Variants in TTC28 observed in about 807,000 individuals in gnomAD.
TTC28 encodes tetratricopeptide repeat protein 28.
A neutral mutation model predicts 198.0 loss-of-function variants in TTC28; 61 were observed. The ratio of observed to expected loss-of-function variants is 0.31; its 90% CI spans 0.25 to 0.38. TTC28 has a LOEUF of 0.38. Ranked by LOEUF, TTC28 falls within the 10% of genes least tolerant of loss-of-function variation. The pLI is 1.00. For missense variants in TTC28, 2,678 were observed against 3,164.0 expected (o/e 0.85, Z 3.69); for synonymous variants, 1,171 against 1,297.8 (o/e 0.90, Z 2.10).
intron 5 of TTC28, among the ~76,000 whole-genome samples, chr22:28,288,474 C>A (rs1191763014): frequency 6.6e-6 from 1 of 151,976 alleles, no homozygotes; most frequent in African/African-American, 2.4e-5. Flanking sequence ...TATAACAGCC[C>A]CAAACTGGAA....
intron 2 of TTC28, among the ~76,000 whole-genome samples, chr22:28,314,192 A>C (rs868189171): frequency 6.6e-6 from 1 of 152,152 alleles, no homozygotes; most frequent in South Asian, 2.1e-4. Context: ...ACTACAAACT[A>C]CTGCTCATGG....
rs1287144619 is a variant in TTC28 at position 28,413,205 on chromosome 22, G to A, written c.382-106562C>T. Among the ~76,000 whole-genome samples, 3 of 152,234 alleles carry A rather than the reference G, an allele frequency of 2.0e-5. No homozygotes were observed. The South Asian group carries it at 6.2e-4, about 32-fold the overall frequency. On this transcript the variant is annotated intron_variant, in intron 2 of 22. Coordinates refer to ENST00000397906, the MANE Select transcript of TTC28 (RefSeq NM_001145418.2). Reference sequence around the variant, plus strand: ...AATTCCAGAACTTTGGGAGGCCAAGGCGGGCGGATGACGAGGTCAAGAGAT... The same window carrying A: ...AATTCCAGAACTTTGGGAGGCCAAGACGGGCGGATGACGAGGTCAAGAGAT...
At chr22:28,054,027 AG>A (rs1940182759) in intron 12 of TTC28, among the ~76,000 whole-genome samples, 1 of 152,216 alleles carries the variant, frequency 6.6e-6, no homozygotes, top group Admixed American at 6.5e-5. Flanking sequence ...AGTGAGTCAG[AG>A]GGGGTGATCT....
chr22:28,367,277 A>G (rs1216009810), intron 2 of TTC28, among the ~76,000 whole-genome samples: 1 of 152,024 alleles, frequency 6.6e-6, no homozygotes, highest in Non-Finnish European at 1.5e-5. Flanking sequence ...TAGAAATCAA[A>G]AAGAGGAATT....
intron 17 of TTC28, among the ~76,000 whole-genome samples, chr22:27,994,197 A>G (rs1267243718): frequency 1.3e-5 from 2 of 152,048 alleles, no homozygotes; most frequent in Non-Finnish European, 2.9e-5. Flanking sequence ...TAATCCTAAC[A>G]CTTTGGGAGG....
rs1937079206 is a variant in TTC28 at position 27,983,081 on chromosome 22, C to T, written c.6586G>A (p.Gly2196Ser). ...QVSKSNNPED[G>S]VQAPSSTAVF... ...GCAGTGCTGCTGGGCGCCTGAACGC[C>T]GTCTTCAGGGTTATTACTCTTGCTC... is the stretch of plus-strand genomic sequence containing the variant. The change falls in exon 23 of 23, where the codon GGC becomes AGC. Residue 2196 changes from glycine to serine, a missense_variant. Physicochemically the swap from Gly to Ser is moderately conservative, Grantham distance 56. This residue lies in a region of TTC28 where 622 missense variants were observed against 656.0 expected (regional missense o/e 0.95). Transcript: ENST00000397906. The T allele has an allele frequency of 1.9e-6, 3 of 1,551,720 alleles. No homozygotes were observed. Among genetic ancestry groups the T allele is most frequent in the Non-Finnish European group, 8.7e-7 (1 of 1,147,002 alleles).
chr22:28,017,466 A>C (rs1308290715), intron 13 of TTC28, among the ~76,000 whole-genome samples: 3 of 152,222 alleles, frequency 2.0e-5, no homozygotes, highest in Non-Finnish European at 1.5e-5. Context: ...TCTTTGGGAC[A>C]GCACCATTTG....
At chr22:28,524,919 G>C (rs1052981367) in intron 2 of TTC28, among the ~76,000 whole-genome samples, 1 of 151,986 alleles carries the variant, frequency 6.6e-6, no homozygotes, top group Non-Finnish European at 1.5e-5. Context: ...TTCTAGGTAA[G>C]AAATAATCAC....
chr22:28,346,296 G>A (rs1419790510), intron 2 of TTC28, among the ~76,000 whole-genome samples: 1 of 152,138 alleles, frequency 6.6e-6, no homozygotes, highest in Non-Finnish European at 1.5e-5. Context: ...TTGTCAAAAC[G>A]GGGTACTAAA....
At chr22:28,504,881 G>A (rs1256418647) in intron 2 of TTC28, among the ~76,000 whole-genome samples, 1 of 152,004 alleles carries the variant, frequency 6.6e-6, no homozygotes, top group Non-Finnish European at 1.5e-5. Flanking sequence ...TTTGATATAG[G>A]TTCATTATAC....
chr22:28,544,682 C>T (rs2049497357), intron 2 of TTC28, among the ~76,000 whole-genome samples: 1 of 152,156 alleles, frequency 6.6e-6, no homozygotes, highest in African/African-American at 2.4e-5. Flanking sequence ...AAGAAGCCAG[C>T]CACAACCCAC....
chr22:28,020,513 T>C lies in TTC28; in HGVS notation c.4074-6121A>G, dbSNP rs73880372. ...GGCGTGGCTCATGTCTCTGGAATGA[T>C]GACAAATGCCAGCTGGGCTGGGCTC... is the stretch of plus-strand genomic sequence containing the variant. On this transcript the variant is annotated intron_variant, in intron 13 of 22. Coordinates refer to ENST00000397906, the MANE Select transcript of TTC28 (RefSeq NM_001145418.2). Among the ~76,000 whole-genome samples, 481 of 152,260 alleles carry C rather than the reference T, an allele frequency of 3.2e-3. 7 individuals are homozygous for C. Among genetic ancestry groups the C allele is most frequent in the African/African-American group, 0.011 (459 of 41,562 alleles).
Position 28,096,367 on chromosome 22 carries a change from T to C in TTC28, c.3589A>G (p.Thr1197Ala), listed in dbSNP as rs1245971327. The change falls in exon 11 of 23, where the codon ACA (threonine) becomes GCA (alanine). Residue 1197 changes from threonine (T) to alanine (A), a missense_variant. Physicochemically the swap from Thr to Ala is moderately conservative, Grantham distance 58. This residue lies in a region of TTC28 where 727 missense variants were observed against 861.9 expected (regional missense o/e 0.84). Transcript: ENST00000397906. ...EALAVAERGR[T>A]RAFADLLVER... ...ACCAGAAGATCAGCAAATGCCCTTG[T>C]CCGTCCCCTTTCTGCCACAGCCAGG... 3 of 1,551,746 alleles carry C rather than the reference T, an allele frequency of 1.9e-6. No homozygotes were observed. The highest frequency in any genetic ancestry group is 2.6e-6 in the Non-Finnish European group (3 of 1,147,070).
At chr22:28,018,307 G>GC (rs1491091890) in intron 13 of TTC28, among the ~76,000 whole-genome samples, 3 of 42,750 alleles carry the variant, frequency 7.0e-5, no homozygotes, top group Non-Finnish European at 1.3e-4. Flanking sequence ...GTGCGCGCGC[G>GC]GGGGGGGGGG....
intron 19 of TTC28, among the ~76,000 whole-genome samples, chr22:27,991,920 G>A (rs1034317634): frequency 4.6e-5 from 7 of 152,198 alleles, no homozygotes; most frequent in African/African-American, 1.7e-4. Context: ...GTTGCTCCTG[G>A]GTTCACTGCT....
At chr22:28,310,135 A>AACACACAC (rs751276999) in intron 2 of TTC28, among the ~76,000 whole-genome samples, 1 of 73,278 alleles carries the variant, frequency 1.4e-5, no homozygotes, top group African/African-American at 5.4e-5. Flanking sequence ...TGTGACACAT[A>AACACACAC]ACACACACAC....
intron 5 of TTC28, among the ~76,000 whole-genome samples, chr22:28,186,397 T>C (rs1401915015): frequency 6.6e-6 from 1 of 152,152 alleles, no homozygotes; most frequent in African/African-American, 2.4e-5. Context: ...CTGGCTTCCC[T>C]GAAAAATCCC....
intron 2 of TTC28, among the ~76,000 whole-genome samples, chr22:28,347,849 A>G (rs1832016293): frequency 6.6e-6 from 1 of 152,254 alleles, no homozygotes; most frequent in Admixed American, 6.5e-5. Context: ...ACTGCACTTC[A>G]GGGTGAGAGA....
intron 2 of TTC28, among the ~76,000 whole-genome samples, chr22:28,329,256 C>G (rs1429049173): frequency 6.6e-6 from 1 of 152,056 alleles, no homozygotes; most frequent in Admixed American, 6.6e-5. Flanking sequence ...TGCATGCAGA[C>G]ACAAAGCTTA....
Sources: gnomAD v4.1 joint callset for allele counts (sites outside exome capture counted in the v4.1 genomes callset) on GRCh38, gnomAD v4.1.1 for gene constraint, gnomAD v4.1.1 regional missense constraint, MANE v1.5 for transcripts, NCBI Gene and HGNC (gene_info 2026-07-23, HGNC 2026-07-21) for gene names.